The following SDK1 variants were observed in gnomAD, a reference collection of about 807,000 sequenced individuals.
SDK1 encodes the protein sidekick cell adhesion molecule 1.
SDK1 carries 157 observed loss-of-function variants against 245.5 expected under a neutral mutation model. The observed-to-expected ratio is 0.64, with a 90% CI of 0.56 to 0.73. The LOEUF (loss-of-function observed/expected upper bound fraction) is 0.73, where lower values mean the gene tolerates loss of function less well. SDK1 is among the 30% of genes least tolerant of loss of function. The probability of loss-of-function intolerance (pLI) is 0.00; values close to 1 mark genes in which losing one functional copy is unlikely to be tolerated. For synonymous variants in SDK1, 1,647 were observed against 1,278.5 expected (o/e 1.29, Z -6.15); for missense variants, 3,583 against 3,002.3 (o/e 1.19, Z -4.52).
intron 31 of SDK1, among the ~76,000 whole-genome samples, chr7:4,161,267 T>C (rs1280003342): frequency 2.0e-5 from 3 of 152,034 alleles, no homozygotes; most frequent in Non-Finnish European, 4.4e-5. Context: ...CATGGCAGAC[T>C]CCCCTTCACT....
rs950595515 is a variant in SDK1, at chr7:3,307,792, A to G, written c.298+5908A>G. ...ACTACTGTGCAATATGAGGAAGTCT[A>G]TTAGTCTCTCTGAGTCTGTTTTCTC... On this transcript the variant is annotated intron_variant, in intron 1 of 44. Coordinates refer to ENST00000404826, the MANE Select transcript of SDK1 (RefSeq NM_152744.4). Among the ~76,000 whole-genome samples, 6 of 152,184 alleles carry G rather than the reference A, an allele frequency of 3.9e-5. 1 individual carries two copies. In the South Asian group the frequency reaches 6.2e-4, roughly 16 times the overall value.
chr7:3,668,953 C>T (rs747525964), intron 4 of SDK1, among the ~76,000 whole-genome samples: 4 of 152,160 alleles, frequency 2.6e-5, no homozygotes, highest in Non-Finnish European at 5.9e-5. Flanking sequence ...TCATGGGAGG[C>T]TCTGGCAGAG....
chr7:3,669,727 G>C (rs947346993), intron 4 of SDK1, among the ~76,000 whole-genome samples: 1 of 152,136 alleles, frequency 6.6e-6, no homozygotes, highest in African/African-American at 2.4e-5. Flanking sequence ...ACTTGCAGAT[G>C]ACTCACAATT....
At position 3,737,228 on chromosome 7, in the gene SDK1, G is replaced by A. The variant is rs1779340943; in HGVS notation, c.714-84222G>A. The stretch of plus-strand genomic sequence containing the variant: ...TGGGCAGGGCCATAGGCTGGGCTCC[G>A]CAGTTGGACCGGACTGCTGTCTGGG... On this transcript the variant is annotated intron_variant, in intron 4 of 44. Transcript: ENST00000404826. 3.3e-5 allele frequency among the ~76,000 whole-genome samples: 5 copies of A among 152,308 alleles called. No homozygotes were observed. The South Asian group carries it at 6.2e-4, about 19-fold the overall frequency.
chr7:3,945,040 G>A (rs1260162477), intron 5 of SDK1, among the ~76,000 whole-genome samples: 7 of 152,144 alleles, frequency 4.6e-5, no homozygotes, highest in African/African-American at 7.2e-5. Context: ...CTTGAGCTTC[G>A]GAGGCAGAGT....
chr7:3,383,322 G>C (rs1444237320), intron 1 of SDK1, among the ~76,000 whole-genome samples: 1 of 152,066 alleles, frequency 6.6e-6, no homozygotes, highest in Non-Finnish European at 1.5e-5. Context: ...GAGATGGAAG[G>C]ATCACTTGAG....
chr7:3,785,882 T>C (rs1780885261), intron 4 of SDK1, among the ~76,000 whole-genome samples: 1 of 152,232 alleles, frequency 6.6e-6, no homozygotes, highest in South Asian at 2.1e-4. Context: ...TTTATCTTTT[T>C]TCCCCTATGC....
chr7:4,058,030 A>C (rs533506817), intron 19 of SDK1, among the ~76,000 whole-genome samples: 468 of 152,330 alleles, frequency 3.1e-3, no homozygotes, highest in Non-Finnish European at 5.4e-3. Flanking sequence ...CCAAAGGAAC[A>C]TGGTAATTCT....
chr7:4,112,521 A>G (rs1783413484), intron 23 of SDK1, among the ~76,000 whole-genome samples: 1 of 152,192 alleles, frequency 6.6e-6, no homozygotes, highest in Non-Finnish European at 1.5e-5. Flanking sequence ...CTGGACTTCA[A>G]AACTGCCCTT....
At chr7:3,315,543 A>G (rs962445812) in intron 1 of SDK1, among the ~76,000 whole-genome samples, 19 of 152,200 alleles carry the variant, frequency 1.2e-4, no homozygotes, top group Non-Finnish European at 1.8e-4. Flanking sequence ...TGGAAGTCGC[A>G]TATTATAAAA....
At chr7:3,485,705 T>TTTTTTTTTTTA (rs1781671818) in intron 1 of SDK1, among the ~76,000 whole-genome samples, 1 of 145,458 alleles carries the variant, frequency 6.9e-6, no homozygotes, top group South Asian at 2.2e-4. Flanking sequence ...TTTTTTTTTT[T>TTTTTTTTTTTA]GAGCCATCTT....
chr7:4,102,772 G>C (rs1782638745), intron 22 of SDK1, among the ~76,000 whole-genome samples: 3 of 152,084 alleles, frequency 2.0e-5, no homozygotes, highest in Admixed American at 6.5e-5. Context: ...ACCCCGGCCA[G>C]ACCTGGGAGT....
At position 3,520,890 on chromosome 7, in the gene SDK1, C is replaced by G. The variant is rs181354652; in HGVS notation, c.299-98190C>G. Among the ~76,000 whole-genome samples the G allele has an allele frequency of 2.4e-3, 367 of 152,224 alleles. 3 individuals carry two copies. The highest frequency in any genetic ancestry group is 0.018 in the South Asian group (86 of 4,824). ...CCATAATAAATTACCACAAATTGAC[C>G]AGTTTAAAACAACACTCATTTATCA... On this transcript the variant is annotated intron_variant, in intron 1 of 44. Coordinates refer to ENST00000404826, the MANE Select transcript of SDK1 (RefSeq NM_152744.4).
At chr7:3,990,991 C>T (rs911246963) in intron 14 of SDK1, among the ~76,000 whole-genome samples, 1 of 152,258 alleles carries the variant, frequency 6.6e-6, no homozygotes, top group African/African-American at 2.4e-5. Context: ...ATCTGCTCTG[C>T]ACTCTGCTGG....
intron 23 of SDK1, among the ~76,000 whole-genome samples, chr7:4,112,774 A>C (rs1191822528): frequency 6.9e-6 from 1 of 144,210 alleles, no homozygotes; most frequent in Non-Finnish European, 1.5e-5. Flanking sequence ...TTTTTTTCTG[A>C]GGCAGAGTCT....
intron 1 of SDK1, among the ~76,000 whole-genome samples, chr7:3,548,180 T>G (rs1431987833): frequency 1.3e-5 from 2 of 152,218 alleles, no homozygotes; most frequent in African/African-American, 4.8e-5. Flanking sequence ...TTCAAGTATA[T>G]ATGAAGATCT....
intron 4 of SDK1, among the ~76,000 whole-genome samples, chr7:3,770,834 A>G (rs536502656): frequency 1.2e-4 from 19 of 152,150 alleles, no homozygotes; most frequent in South Asian, 8.3e-4. Context: ...ACTGCCTTCT[A>G]TGATAGGTTA....
chr7:3,973,428 A>C (rs184266596), intron 12 of SDK1, among the ~76,000 whole-genome samples: 1 of 152,316 alleles, frequency 6.6e-6, no homozygotes, highest in East Asian at 1.9e-4. Context: ...TCATCTAAAG[A>C]CTGGGCAGGC....
chr7:3,392,464 T>C (rs1305043708), intron 1 of SDK1, among the ~76,000 whole-genome samples: 1 of 152,118 alleles, frequency 6.6e-6, no homozygotes, highest in Non-Finnish European at 1.5e-5. Context: ...TACACACATA[T>C]AGCATAGAAT....
Sources: gnomAD v4.1 joint callset for allele counts (sites outside exome capture counted in the v4.1 genomes callset) on GRCh38, gnomAD v4.1.1 for gene constraint, MANE v1.5 for transcripts, NCBI Gene and HGNC (gene_info 2026-07-23, HGNC 2026-07-21) for gene names.